The following TFB1M variants were observed in gnomAD, a reference collection of about 807,000 sequenced individuals.
TFB1M encodes the protein transcription factor B1, mitochondrial, also known as dimethyladenosine transferase 1, mitochondrial.
TFB1M carries 27 observed loss-of-function variants against 31.1 expected under a neutral mutation model. The observed-to-expected ratio is 0.87, with a 90% CI of 0.64 to 1.20. The LOEUF is 1.20. Among genes scored for constraint, TFB1M ranks in the 50% most tolerant of loss-of-function variants. The pLI is 0.00. For missense variants in TFB1M, 394 were observed against 418.7 expected, an observed-to-expected ratio of 0.94 and a Z score of 0.51; for synonymous variants, 166 against 151.8, an observed-to-expected ratio of 1.09 and a Z score of -0.69.
chr6:155,276,062 A>G (rs768410059), intron 5 of TFB1M: 7 of 1,614,176 alleles, frequency 4.3e-6, no homozygotes, highest in African/African-American at 2.7e-5. Flanking sequence ...AGAAACCAAG[A>G]GCCATGCTTC....
At chr6:155,230,042 C>T in the TFB1M span, among the ~76,000 whole-genome samples, 1 of 152,032 alleles carries the variant, frequency 6.6e-6, no homozygotes, top group East Asian at 1.9e-4. Flanking sequence ...GGTGGGGACA[C>T]AGAGCCAAAC....
chr6:155,272,062 T>C (rs536308433), intron 5 of TFB1M, among the ~76,000 whole-genome samples: 85 of 152,236 alleles, frequency 5.6e-4, no homozygotes, highest in Non-Finnish European at 1.0e-3. Context: ...AGTTAACTTA[T>C]TGGAGCTTTA....
At chr6:155,230,828 C>A in the TFB1M span, among the ~76,000 whole-genome samples, 1 of 148,434 alleles carries the variant, frequency 6.7e-6, no homozygotes. Context: ...TTTAAAATGG[C>A]AGAGCTACTT....
At chr6:155,314,246 C>A in intron 1 of TFB1M, 50 bp downstream of exon 1, 1 of 1,606,050 alleles carries the variant, frequency 6.2e-7, no homozygotes, top group Non-Finnish European at 8.5e-7. Flanking sequence ...CCGGCCCACG[C>A]CCCCACGGAC....
chr6:155,251,034 T>G, the TFB1M span: 3 of 1,608,160 alleles, frequency 1.9e-6, no homozygotes, highest in Non-Finnish European at 1.7e-6. Context: ...TAGTATTCCA[T>G]TCAGAAGAAT....
At chr6:155,243,585 G>A in the TFB1M span, among the ~76,000 whole-genome samples, 882 of 152,200 alleles carry the variant, frequency 5.8e-3, 12 homozygotes, top group African/African-American at 0.02. Flanking sequence ...GGTGGCTCAC[G>A]CCTGTAATGC....
chr6:155,296,852 T>C, intron 4 of TFB1M, 101 bp downstream of exon 4: 5 of 1,141,858 alleles, frequency 4.4e-6, no homozygotes, highest in Non-Finnish European at 5.2e-6. Context: ...TGTAATAAGA[T>C]ATTAACTTAG....
the TFB1M span, among the ~76,000 whole-genome samples, chr6:155,248,885 C>T: frequency 1.3e-5 from 2 of 152,202 alleles, no homozygotes; most frequent in Non-Finnish European, 1.5e-5. Flanking sequence ...GGCTTATTAA[C>T]ACTTTAGTAT....
At chr6:155,245,508 C>A in the TFB1M span, 2 of 869,562 alleles carry the variant, frequency 2.3e-6, no homozygotes, top group Non-Finnish European at 3.7e-6. Context: ...GTTTGAACTT[C>A]TCCAAGGCAT....
chr6:155,237,335 G>A, the TFB1M span, among the ~76,000 whole-genome samples: 1 of 152,254 alleles, frequency 6.6e-6, no homozygotes, highest in South Asian at 2.1e-4. Context: ...GGCTTTAAAG[G>A]ATATAGCCTC....
chr6:155,262,874 C>A (rs1784452996), intron 5 of TFB1M, among the ~76,000 whole-genome samples: 2 of 152,130 alleles, frequency 1.3e-5, no homozygotes, highest in South Asian at 4.1e-4. Flanking sequence ...AGTTTTAAAA[C>A]CCTGAACAAA....
At chr6:155,239,147 T>C in the TFB1M span, among the ~76,000 whole-genome samples, 1 of 152,210 alleles carries the variant, frequency 6.6e-6, no homozygotes, top group Non-Finnish European at 1.5e-5. Flanking sequence ...TATTAAGAGA[T>C]GCTCCTGAGA....
chr6:155,265,478 T>A (rs1784587271), intron 5 of TFB1M, among the ~76,000 whole-genome samples: 1 of 146,100 alleles, frequency 6.8e-6, no homozygotes, highest in African/African-American at 2.6e-5. Flanking sequence ...TCATAGCTGA[T>A]ACTGTTAATT....
Position 155,302,156 on chromosome 6 carries a change from A to G in TFB1M, c.286-3571T>C, listed in dbSNP as rs1388896971. Among the ~76,000 whole-genome samples, 4 of 152,336 alleles carry G rather than the reference A, an allele frequency of 2.6e-5. No homozygotes were observed. The East Asian group carries it at 5.8e-4, about 22-fold the overall frequency. On this transcript the variant is annotated intron_variant, in intron 2 of 6. Coordinates refer to ENST00000367166, the MANE Select transcript of TFB1M (RefSeq NM_016020.4). ...CTTACACAAAATTATCGATTCCTTA[A>G]GAAGAAATACTACATTGAATACCCA...
intron 2 of TFB1M, among the ~76,000 whole-genome samples, chr6:155,304,137 C>G (rs1777558508): frequency 6.6e-6 from 1 of 152,002 alleles, no homozygotes; most frequent in South Asian, 2.1e-4. Context: ...AAAAAATTAG[C>G]TGGGCATGGT....
the TFB1M span, chr6:155,244,828 G>C: frequency 6.4e-7 from 1 of 1,561,690 alleles, no homozygotes; most frequent in Non-Finnish European, 8.7e-7. Flanking sequence ...ACGTGGCTAT[G>C]GTACGTATTT....
In TFB1M at chr6:155,305,569, T is replaced by TTA. The variant is rs569350896; in HGVS notation, c.285+5617_285+5618dup. On this transcript the variant is annotated intron_variant, in intron 2 of 6. Coordinates refer to ENST00000367166, the MANE Select transcript of TFB1M (RefSeq NM_016020.4). ...TATAAATATATATTAAATTATATAT[T>TTA]TATATATATATTAAATTATATATTT... Among the ~76,000 whole-genome samples the TTA allele has an allele frequency of 4.8e-3, 239 of 50,216 alleles. 39 individuals are homozygous for TTA. The highest frequency in any genetic ancestry group is 0.024 in the African/African-American group (230 of 9,464). The allele number at this position is 50,216 out of a possible 152,430, so 32.9% of individuals were successfully genotyped here.
At chr6:155,235,065 G>A in the TFB1M span, among the ~76,000 whole-genome samples, 1 of 151,866 alleles carries the variant, frequency 6.6e-6, no homozygotes, top group Non-Finnish European at 1.5e-5. Context: ...AGATGGAGCA[G>A]AGCTAGAGAG....
chr6:155,238,477 C>T, the TFB1M span, among the ~76,000 whole-genome samples: 15 of 152,224 alleles, frequency 9.9e-5, no homozygotes, highest in African/African-American at 2.4e-4. Flanking sequence ...AAAAGAGAAG[C>T]GATTCTACTG....
Sources: allele counts gnomAD v4.1 joint callset (sites outside exome capture counted in the v4.1 genomes callset), GRCh38; gene constraint gnomAD v4.1.1; transcripts MANE v1.5; gene names NCBI Gene and HGNC (gene_info 2026-07-23, HGNC 2026-07-21).